Variants in FAM234A observed in about 807,000 individuals in gnomAD.
FAM234A encodes the protein family with sequence similarity 234 member A.
In FAM234A, 42 loss-of-function variants were observed where a neutral mutation model predicts 49.1. The ratio of observed to expected loss-of-function variants is 0.86; its 90% CI spans 0.67 to 1.11. The LOEUF is 1.11. FAM234A is among the 50% of genes least tolerant of loss of function. The probability of loss-of-function intolerance (pLI) is 0.00; values close to 1 mark genes in which losing one functional copy is unlikely to be tolerated. For synonymous variants in FAM234A, 369 were observed against 316.2 expected (o/e 1.17, Z -1.77); for missense variants, 815 against 745.2 (o/e 1.09, Z -1.09).
downstream of FAM234A, chr16:266,112 G>C (rs982177197): frequency 7.1e-6 from 7 of 983,582 alleles, no homozygotes; most frequent in East Asian, 4.5e-4. Context: ...GTGGTCAGGC[G>C]TGAGCCTAGC....
At chr16:237,132 C>A (rs2142180494) in intron 1 of FAM234A, among the ~76,000 whole-genome samples, 1 of 152,062 alleles carries the variant, frequency 6.6e-6, no homozygotes, top group South Asian at 2.1e-4. Context: ...TCTCAAACTC[C>A]TGGCTTCAAG....
At chr16:267,928 G>A (rs897678251), downstream of FAM234A, among the ~76,000 whole-genome samples, 26 of 146,858 alleles carry the variant, frequency 1.8e-4, no homozygotes, top group East Asian at 1.0e-3. Flanking sequence ...ACCTGCACAC[G>A]TGCACTACAC....
intron 1 of FAM234A, among the ~76,000 whole-genome samples, chr16:241,895 GACA>G (rs1215277566): frequency 3.1e-5 from 4 of 127,224 alleles, no homozygotes; most frequent in Non-Finnish European, 4.7e-5. Context: ...GACAGAGCGA[GACA>G]ACGTCTCAAA....
intron 1 of FAM234A, among the ~76,000 whole-genome samples, chr16:239,125 C>T (rs1335304385): frequency 6.4e-5 from 2 of 31,258 alleles, no homozygotes; most frequent in East Asian, 8.9e-4. Flanking sequence ...CAGTGAAACC[C>T]CGTCTCTACT....
intron 1 of FAM234A, among the ~76,000 whole-genome samples, chr16:243,022 C>G (rs572105074): frequency 1.3e-3 from 197 of 151,308 alleles, no homozygotes; most frequent in African/African-American, 4.6e-3. Flanking sequence ...CTCTGTTGCC[C>G]AAACTGGAAT....
At chr16:269,597 A>T, downstream of FAM234A, 2 of 1,607,116 alleles carry the variant, frequency 1.2e-6, no homozygotes, top group South Asian at 2.2e-5. Flanking sequence ...TACAAGAGAC[A>T]GCGTCCAGCC....
At chr16:255,904 C>G (rs540646229) in intron 3 of FAM234A, among the ~76,000 whole-genome samples, 1 of 152,332 alleles carries the variant, frequency 6.6e-6, no homozygotes, top group African/African-American at 2.4e-5. Flanking sequence ...CTCAGATGAT[C>G]TGCCCGCTTA....
intron 2 of FAM234A, among the ~76,000 whole-genome samples, chr16:250,683 C>T (rs1052010581): frequency 6.6e-6 from 1 of 152,070 alleles, no homozygotes; most frequent in Non-Finnish European, 1.5e-5. Context: ...TTTCATCATC[C>T]CACAAAGAAA....
downstream of FAM234A, chr16:268,655 G>A: frequency 2.0e-6 from 2 of 1,005,692 alleles, no homozygotes; most frequent in Non-Finnish European, 2.9e-6. Flanking sequence ...GGGAAAGCAG[G>A]TGCCGGCGCA....
chr16:251,369 GT>G (rs555351523), intron 2 of FAM234A, among the ~76,000 whole-genome samples: 15 of 151,102 alleles, frequency 9.9e-5, no homozygotes, highest in Middle Eastern at 3.4e-3. Flanking sequence ...CTGCAGTAGG[GT>G]TTTTTTTTGT....
downstream of FAM234A, chr16:269,729 G>C: frequency 1.6e-6 from 1 of 632,324 alleles, no homozygotes; most frequent in South Asian, 2.0e-5. Flanking sequence ...AGCCGCCTCG[G>C]ACCTGCCCAG....
In FAM234A at chr16:259,519, G is replaced by A; in HGVS notation, c.305G>A (p.Gly102Glu). 1.2e-6 allele frequency: 2 copies of A among 1,611,866 alleles called. No homozygotes were observed. Among genetic ancestry groups the A allele is most frequent in the South Asian group, 1.1e-5 (1 of 91,020 alleles). The part of the protein sequence containing the change: ...YDFLAVDDIN[G>E]DRIQDVLFLY... ...TTTCTGGCTGTGGATGATATAAACG[G>A]GGACAGGATCCAAGATGTTCTTTTT... Residue 102 changes from glycine (G) to glutamate (E), a missense_variant, in exon 4 of 13, where the codon GGG (glycine) becomes GAG (glutamate). Coordinates refer to ENST00000399932, the MANE Select transcript of FAM234A (RefSeq NM_032039.4).
At chr16:266,366 T>C (rs964590051), downstream of FAM234A, among the ~76,000 whole-genome samples, 5 of 152,102 alleles carry the variant, frequency 3.3e-5, no homozygotes, top group Non-Finnish European at 7.4e-5. Context: ...TGCAAGCGGG[T>C]GTGCTCCCAC....
intron 3 of FAM234A, among the ~76,000 whole-genome samples, chr16:257,327 C>T (rs527498319): frequency 1.4e-4 from 20 of 143,098 alleles, no homozygotes; most frequent in African/African-American, 4.1e-4. Context: ...CTCACTGCAA[C>T]CTCCACCTCC....
At chr16:254,112 AAGC>A (rs2051130369) in intron 2 of FAM234A, 2 of 396,916 alleles carry the variant, frequency 5.0e-6, no homozygotes, top group South Asian at 5.1e-5. Context: ...GGCAGGCAGG[AAGC>A]ACCAGCGTGT....
intron 3 of FAM234A, among the ~76,000 whole-genome samples, chr16:259,093 T>C (rs1184598327): frequency 2.6e-5 from 4 of 152,276 alleles, no homozygotes; most frequent in Middle Eastern, 3.4e-3. Context: ...CTTCACTCTT[T>C]TGGTGTTTGA....
At chr16:237,951 G>A (rs113188686) in intron 1 of FAM234A, among the ~76,000 whole-genome samples, 14 of 151,728 alleles carry the variant, frequency 9.2e-5, no homozygotes, top group East Asian at 3.9e-4. Context: ...TGATCCTCCC[G>A]CCTCGGCCTC....
At chr16:241,884 C>T (rs1395008200) in intron 1 of FAM234A, among the ~76,000 whole-genome samples, 2 of 136,898 alleles carry the variant, frequency 1.5e-5, no homozygotes, top group Admixed American at 8.3e-5. Context: ...CCAGCCTGGG[C>T]GACAGAGCGA....
intron 3 of FAM234A, among the ~76,000 whole-genome samples, chr16:256,901 C>A (rs1366671072): frequency 6.6e-6 from 1 of 152,150 alleles, no homozygotes. Flanking sequence ...TGCCACCACA[C>A]CCGGCTAATT....
Sources: gnomAD v4.1 joint callset for allele counts (sites outside exome capture counted in the v4.1 genomes callset) on GRCh38, gnomAD v4.1.1 for gene constraint, MANE v1.5 for transcripts, NCBI Gene and HGNC (gene_info 2026-07-23, HGNC 2026-07-21) for gene names.